C10orf53: variants seen among roughly 807,000 people sequenced by gnomAD.
The protein encoded by C10orf53 is chromosome 10 open reading frame 53, also known as UPF0728 protein C10orf53.
A neutral mutation model predicts 9.4 loss-of-function variants in C10orf53; 8 were observed. The observed-to-expected ratio is 0.85, with a 90% CI of 0.50 to 1.53. The LOEUF (loss-of-function observed/expected upper bound fraction) is 1.53, where lower values mean the gene tolerates loss of function less well. Among genes scored for constraint, C10orf53 ranks in the 40% most tolerant of loss-of-function variants. The pLI is 0.00. For synonymous variants in C10orf53, 48 were observed against 46.0 expected (o/e 1.04, Z -0.18); for missense variants, 117 against 117.8 (o/e 0.99, Z 0.03).
At chr10:49,708,595 A>G (rs1316394815) in exon 3 of C10orf53, 1 of 1,614,080 alleles carries the variant, frequency 6.2e-7, no homozygotes, top group Non-Finnish European at 8.5e-7. Context: ...GGACTAGAGA[A>G]GAGGGGAACT....
intron 2 of C10orf53, among the ~76,000 whole-genome samples, chr10:49,706,656 T>C (rs1169878360): frequency 6.6e-6 from 1 of 152,126 alleles, no homozygotes; most frequent in Non-Finnish European, 1.5e-5. Context: ...ATTGTAGTGA[T>C]GGGGTTGTAC....
At chr10:49,687,441 G>A (rs1356434928) in intron 1 of C10orf53, among the ~76,000 whole-genome samples, 4 of 152,186 alleles carry the variant, frequency 2.6e-5, no homozygotes, top group African/African-American at 9.7e-5. Context: ...CTGGCAGGGA[G>A]ATGGCATGAG....
At chr10:49,699,436 C>T (rs1840664411), downstream of C10orf53, among the ~76,000 whole-genome samples, 1 of 151,882 alleles carries the variant, frequency 6.6e-6, no homozygotes, top group Non-Finnish European at 1.5e-5. Context: ...CTCAAGCAAT[C>T]CTCCTGCCTT....
At chr10:49,691,122 T>G (rs1160647252) in intron 1 of C10orf53, among the ~76,000 whole-genome samples, 1 of 152,188 alleles carries the variant, frequency 6.6e-6, no homozygotes, top group Non-Finnish European at 1.5e-5. Flanking sequence ...TGACCTTTCT[T>G]TGACTAGACA....
rs1483527683 is a variant in C10orf53, at chr10:49,694,826, A to T, written c.*224A>T. ...ACCACATCATTTATAACATGTCTCAATCTCAACCCATAGGGAGAGCCCTCC... is the reference window on the plus strand; with the variant it reads ...ACCACATCATTTATAACATGTCTCATTCTCAACCCATAGGGAGAGCCCTCC... On this transcript the variant is annotated 3_prime_UTR_variant, in exon 3 of 3. Coordinates refer to ENST00000374111, the MANE Select transcript of C10orf53 (RefSeq NM_001042427.3). 1 of 1,365,468 alleles carries T rather than the reference A, an allele frequency of 7.3e-7. No individual in the cohort carries two copies. The highest frequency in any genetic ancestry group is 2.7e-5 in the East Asian group (1 of 37,238). The allele number at this position is 1,365,468 out of a possible 1,614,324, so 84.6% of individuals were successfully genotyped here.
At chr10:49,691,032 G>A (rs1840579432) in intron 1 of C10orf53, among the ~76,000 whole-genome samples, 1 of 152,212 alleles carries the variant, frequency 6.6e-6, no homozygotes, top group African/African-American at 2.4e-5. Flanking sequence ...ACTGCAGGTG[G>A]CCTTATAGCT....
chr10:49,705,813 A>C (rs926869321), intron 2 of C10orf53, among the ~76,000 whole-genome samples: 1 of 152,218 alleles, frequency 6.6e-6, no homozygotes, highest in African/African-American at 2.4e-5. Context: ...CTTTCAAAGA[A>C]CACCACCAAG....
chr10:49,691,457 A>T (rs1840583022), intron 1 of C10orf53, among the ~76,000 whole-genome samples: 1 of 152,168 alleles, frequency 6.6e-6, no homozygotes. Context: ...AGGCACTTGG[A>T]GATAATTCTG....
intron 1 of C10orf53, 112 bp downstream of exon 1, chr10:49,679,906 G>C (rs566713074): frequency 2.1e-4 from 209 of 991,750 alleles, no homozygotes; most frequent in Middle Eastern, 6.6e-4. Flanking sequence ...CACCTCTCCA[G>C]GAAGTCTTCC....
At chr10:49,706,769 TC>T (rs1380193552) in intron 2 of C10orf53, among the ~76,000 whole-genome samples, 2 of 152,202 alleles carry the variant, frequency 1.3e-5, no homozygotes, top group African/African-American at 4.8e-5. Flanking sequence ...AGTTGCCTCC[TC>T]CCTCCAAACT....
chr10:49,709,093 T>G (rs1374564513), exon 3 of C10orf53: 1 of 164,158 alleles, frequency 6.1e-6, no homozygotes, highest in Non-Finnish European at 1.3e-5. Flanking sequence ...TTCTTCCCTG[T>G]GCATTTATTT....
At chr10:49,709,945 CTGTG>C (rs147584592) in exon 3 of C10orf53, 39 of 112,132 alleles carry the variant, frequency 3.5e-4, no homozygotes, top group South Asian at 6.0e-4. Context: ...CACCCTATAT[CTGTG>C]TGTGTGTGTG....
chr10:49,694,518 A>G lies in C10orf53; in HGVS notation c.218-20A>G, dbSNP rs1840615672. 1 of 1,613,900 alleles carries G rather than the reference A, an allele frequency of 6.2e-7. No individual in the cohort carries two copies. Among genetic ancestry groups the G allele is most frequent in the African/African-American group, 1.3e-5 (1 of 74,930 alleles). The stretch of plus-strand genomic sequence containing the variant: ...TTGTATATAAAGCTAACCAAAAGAC[A>G]ATTATATCTGTTTCCCTAGGAGGCG... On this transcript the variant is annotated intron_variant, in intron 2 of 2. Coordinates refer to ENST00000374111, the MANE Select transcript of C10orf53 (RefSeq NM_001042427.3).
chr10:49,708,216 G>T, intron 2 of C10orf53: 1 of 1,305,336 alleles, frequency 7.7e-7, no homozygotes, highest in Non-Finnish European at 1.0e-6. Context: ...GCTGCAATTG[G>T]CTTAAGAATA....
intron 1 of C10orf53, among the ~76,000 whole-genome samples, chr10:49,687,086 A>G (rs76593312): frequency 0.021 from 3,219 of 152,206 alleles, 102 homozygotes; most frequent in African/African-American, 0.07. Flanking sequence ...TAGACCTTTG[A>G]CTGTTTTCCA....
intron 2 of C10orf53, among the ~76,000 whole-genome samples, chr10:49,704,618 C>T (rs935846729): frequency 2.6e-5 from 4 of 152,096 alleles, no homozygotes; most frequent in African/African-American, 4.8e-5. Flanking sequence ...GTGGTGCACG[C>T]CTGTAATCCC....
At chr10:49,694,053 C>G in intron 2 of C10orf53, 160 bp downstream of exon 2, 1 of 956,570 alleles carries the variant, frequency 1.0e-6, no homozygotes. Context: ...GTGGCACACA[C>G]AGGAGAGTAT....
In C10orf53 at chr10:49,694,837, T is replaced by C; in HGVS notation, c.*235T>C. 2.2e-6 allele frequency: 3 copies of C among 1,342,998 alleles called. No individual in the cohort carries two copies. The highest frequency in any genetic ancestry group is 3.4e-5 in the Admixed American group (1 of 29,834). The allele number at this position is 1,342,998 out of a possible 1,614,324, so 83.2% of individuals were successfully genotyped here. ...TATAACATGTCTCAATCTCAACCCA[T>C]AGGGAGAGCCCTCCAATATCAGGTA... On this transcript the variant is annotated 3_prime_UTR_variant, in exon 3 of 3. Transcript: ENST00000374111.
chr10:49,690,161 T>C (rs914744662), intron 1 of C10orf53, among the ~76,000 whole-genome samples: 22 of 152,154 alleles, frequency 1.4e-4, no homozygotes, highest in African/African-American at 5.1e-4. Flanking sequence ...GAAGAGTATT[T>C]GGAGAAAGAG....
Sources: gnomAD v4.1 joint callset for allele counts (sites outside exome capture counted in the v4.1 genomes callset) on GRCh38, gnomAD v4.1.1 for gene constraint, MANE v1.5 for transcripts, NCBI Gene and HGNC (gene_info 2026-07-23, HGNC 2026-07-21) for gene names.